Variants in CSMD1 observed in about 807,000 individuals in gnomAD.
CSMD1 encodes the protein CUB and Sushi multiple domains 1, also known as CUB and sushi domain-containing protein 1.
Under a neutral mutation model 417.5 loss-of-function variants are expected in CSMD1, and 213 were observed. The observed-to-expected ratio is 0.51, with a 90% CI of 0.46 to 0.57. The LOEUF (loss-of-function observed/expected upper bound fraction) is 0.57, where lower values mean the gene tolerates loss of function less well. Among genes scored for constraint, CSMD1 ranks in the 20% least tolerant of loss-of-function variants. The pLI, the probability that CSMD1 is intolerant of heterozygous loss-of-function variation, is 0.00. For synonymous variants in CSMD1, 2,862 were observed against 1,736.8 expected, an observed-to-expected ratio of 1.65 and a Z score of -16.11; for missense variants, 6,923 against 4,529.7, an observed-to-expected ratio of 1.53 and a Z score of -15.17.
intron 3 of CSMD1, among the ~76,000 whole-genome samples, chr8:4,357,791 G>C (rs966121226): frequency 2.6e-5 from 4 of 152,120 alleles, no homozygotes; most frequent in African/African-American, 4.8e-5. Context: ...AGGATGGGGA[G>C]ACAGAGGAGG....
intron 3 of CSMD1, among the ~76,000 whole-genome samples, chr8:4,058,902 G>C (rs909215840): frequency 6.6e-6 from 1 of 151,996 alleles, no homozygotes; most frequent in Non-Finnish European, 1.5e-5. Context: ...AAGTTAACAA[G>C]GATACCCAGG....
At chr8:4,801,585 C>G (rs1408469149) in intron 1 of CSMD1, among the ~76,000 whole-genome samples, 1 of 152,064 alleles carries the variant, frequency 6.6e-6, no homozygotes, top group Non-Finnish European at 1.5e-5. Context: ...TCTCAATCAT[C>G]TCAGTTAGTG....
At chr8:3,533,917 T>C (rs1354537538) in intron 10 of CSMD1, among the ~76,000 whole-genome samples, 3 of 152,222 alleles carry the variant, frequency 2.0e-5, no homozygotes, top group African/African-American at 4.8e-5. Context: ...CAAGAATCCC[T>C]TTGGTCCACC....
intron 23 of CSMD1, among the ~76,000 whole-genome samples, chr8:3,334,678 A>C (rs751990876): frequency 6.6e-6 from 1 of 152,216 alleles, no homozygotes; most frequent in African/African-American, 2.4e-5. Flanking sequence ...CAAAAACATA[A>C]ATATGGAGCT....
chr8:4,884,961 T>A (rs779228360), intron 1 of CSMD1, among the ~76,000 whole-genome samples: 1 of 152,124 alleles, frequency 6.6e-6, no homozygotes, highest in Non-Finnish European at 1.5e-5. Context: ...CAATATGAAA[T>A]CTCCCAACAC....
intron 4 of CSMD1, among the ~76,000 whole-genome samples, chr8:4,000,527 G>C: frequency 6.6e-6 from 1 of 152,180 alleles, no homozygotes. Flanking sequence ...CTTGTGTTGG[G>C]ATAATGGTGA....
chr8:3,362,857 T>C (rs1220727190), intron 20 of CSMD1, among the ~76,000 whole-genome samples: 1 of 152,154 alleles, frequency 6.6e-6, no homozygotes, highest in Non-Finnish European at 1.5e-5. Flanking sequence ...TCAGCTTCCA[T>C]CTTGCATCTC....
intron 3 of CSMD1, among the ~76,000 whole-genome samples, chr8:4,342,251 C>G (rs1454735253): frequency 5.3e-5 from 1 of 18,734 alleles, no homozygotes; most frequent in Non-Finnish European, 1.0e-4. Context: ...GTGTGTGTGT[C>G]TCTGTATGTG....
chr8:3,068,690 G>A (rs1024961334), intron 49 of CSMD1, among the ~76,000 whole-genome samples: 2 of 152,142 alleles, frequency 1.3e-5, no homozygotes, highest in Admixed American at 6.5e-5. Context: ...GGCCAGAAGA[G>A]GAGCAAGACA....
chr8:4,130,861 TAGAA>T (rs61250212), intron 3 of CSMD1, among the ~76,000 whole-genome samples: 2,341 of 151,798 alleles, frequency 0.015, 72 homozygotes, highest in African/African-American at 0.052. Flanking sequence ...TTATTTAACT[TAGAA>T]AGAGTGTTCA....
intron 3 of CSMD1, among the ~76,000 whole-genome samples, chr8:4,223,202 C>T (rs149367124): frequency 6.6e-5 from 10 of 152,188 alleles, no homozygotes; most frequent in African/African-American, 1.9e-4. Context: ...TTCTGCACCC[C>T]GAGAAAAGCC....
chr8:4,591,111 A>T lies in CSMD1; in HGVS notation c.302+46231T>A, dbSNP rs530216430. Reference sequence around the variant, plus strand: ...ATTCTCTAAGGTTGTAAGCTATGCCATCAAAAGTATTGAGTTCTGAATGCA... The same window carrying T: ...ATTCTCTAAGGTTGTAAGCTATGCCTTCAAAAGTATTGAGTTCTGAATGCA... On this transcript the variant is annotated intron_variant, in intron 2 of 69. Transcript: ENST00000635120. 5.3e-5 allele frequency among the ~76,000 whole-genome samples: 8 copies of T among 152,370 alleles called. No homozygotes were observed. In the East Asian group the frequency reaches 1.5e-3, roughly 29 times the overall value.
chr8:3,902,896 C>A (rs1025929632), intron 5 of CSMD1, among the ~76,000 whole-genome samples: 19 of 152,172 alleles, frequency 1.2e-4, no homozygotes, highest in Non-Finnish European at 1.0e-4. Context: ...AGCCATTGAT[C>A]ATCCTGATCT....
chr8:3,016,960 T>C (rs1211049339), intron 52 of CSMD1, among the ~76,000 whole-genome samples: 1 of 152,172 alleles, frequency 6.6e-6, no homozygotes, highest in Non-Finnish European at 1.5e-5. Context: ...TTATCAGGGA[T>C]CAATAATCCC....
chr8:3,886,129 C>G (rs182263547), intron 5 of CSMD1, among the ~76,000 whole-genome samples: 3 of 152,070 alleles, frequency 2.0e-5, no homozygotes, highest in African/African-American at 7.2e-5. Flanking sequence ...CAGCTCACTG[C>G]AACCTCTGTC....
rs377764710 is a variant in CSMD1, at chr8:4,717,310, C to CATATATATATATATAT, written c.86-79768_86-79753dup. Among the ~76,000 whole-genome samples, 940 of 137,082 alleles carry CATATATATATATATAT rather than the reference C, an allele frequency of 6.9e-3. 11 individuals carry two copies. Among genetic ancestry groups the CATATATATATATATAT allele is most frequent in the African/African-American group, 0.015 (515 of 33,360 alleles). 89.9% of individuals were successfully genotyped at this position (137,082 alleles called of 152,430 possible). A position where few individuals can be genotyped will look rare whatever the true frequency, so the allele number is the denominator to read the frequency against. ...CCCTGCCCTTCTCTCTCTCTCTCTCCATATATATATATATATACACACACA... is the reference window on the plus strand; with the variant it reads ...CCCTGCCCTTCTCTCTCTCTCTCTCCATATATATATATATATATATATATATATATATACACACACA... On this transcript the variant is annotated intron_variant, in intron 1 of 69. Coordinates refer to ENST00000635120, the MANE Select transcript of CSMD1 (RefSeq NM_033225.6).
intron 2 of CSMD1, among the ~76,000 whole-genome samples, chr8:4,454,804 G>C (rs1368019977): frequency 6.6e-6 from 1 of 152,184 alleles, no homozygotes. Flanking sequence ...AACTAGAAGT[G>C]AAAATTATCT....
chr8:3,893,180 T>A (rs982458586), intron 5 of CSMD1, among the ~76,000 whole-genome samples: 2 of 151,536 alleles, frequency 1.3e-5, no homozygotes, highest in African/African-American at 4.8e-5. Context: ...TGAAAAAACA[T>A]GTTCCCAGGG....
intron 30 of CSMD1, among the ~76,000 whole-genome samples, chr8:3,208,158 T>C (rs1797411354): frequency 6.6e-6 from 1 of 152,206 alleles, no homozygotes; most frequent in Non-Finnish European, 1.5e-5. Flanking sequence ...TTGCAAATGA[T>C]CTTTTTCCAT....
Sources: gnomAD v4.1 joint callset for allele counts (sites outside exome capture counted in the v4.1 genomes callset) on GRCh38, gnomAD v4.1.1 for gene constraint, MANE v1.5 for transcripts, NCBI Gene and HGNC (gene_info 2026-07-23, HGNC 2026-07-21) for gene names.